DCC: variants seen among roughly 807,000 people sequenced by gnomAD.
DCC encodes the protein DCC netrin 1 receptor.
In DCC, 58 loss-of-function variants were observed where a neutral mutation model predicts 172.5. The ratio of observed to expected loss-of-function variants is 0.34; its 90% CI spans 0.27 to 0.42. The LOEUF is 0.42. Ranked by LOEUF, DCC falls within the 10% of genes least tolerant of loss-of-function variation. The pLI is 1.00. For synonymous variants in DCC, 709 were observed against 644.5 expected, an observed-to-expected ratio of 1.10 and a Z score of -1.52; for missense variants, 1,740 against 1,791.0, an observed-to-expected ratio of 0.97 and a Z score of 0.51.
At chr18:53,460,373 T>C (rs866728986) in intron 24 of DCC, among the ~76,000 whole-genome samples, 5 of 145,132 alleles carry the variant, frequency 3.4e-5, no homozygotes, top group African/African-American at 1.3e-4. Flanking sequence ...GCTGGTGCGC[T>C]GCACCCACTA....
intron 1 of DCC, among the ~76,000 whole-genome samples, chr18:52,535,114 C>G (rs991525923): frequency 1.3e-5 from 2 of 152,164 alleles, no homozygotes; most frequent in Non-Finnish European, 2.9e-5. Context: ...CGAGTTATAG[C>G]CAGCTCCATC....
At chr18:53,118,117 A>G (rs977684413) in intron 7 of DCC, among the ~76,000 whole-genome samples, 2 of 151,812 alleles carry the variant, frequency 1.3e-5, no homozygotes, top group African/African-American at 4.8e-5. Context: ...TGCATTTATC[A>G]GAAATGTAGT....
chr18:53,093,888 C>T (rs1239618593), intron 7 of DCC, among the ~76,000 whole-genome samples: 4 of 152,128 alleles, frequency 2.6e-5, no homozygotes, highest in African/African-American at 9.7e-5. Context: ...ATCATCCCCT[C>T]GCCAGATGAA....
intron 1 of DCC, among the ~76,000 whole-genome samples, chr18:52,375,873 T>C (rs1985324044): frequency 6.6e-6 from 1 of 152,202 alleles, no homozygotes; most frequent in Non-Finnish European, 1.5e-5. Flanking sequence ...GAAAAAGTTT[T>C]ATGCTATCAG....
intron 1 of DCC, among the ~76,000 whole-genome samples, chr18:52,651,794 T>A (rs1385717319): frequency 1.3e-5 from 2 of 152,128 alleles, no homozygotes; most frequent in Non-Finnish European, 2.9e-5. Flanking sequence ...TTAGCCTCAG[T>A]AATGGACTTT....
At chr18:53,277,180 A>G (rs997353577) in intron 12 of DCC, among the ~76,000 whole-genome samples, 2 of 152,104 alleles carry the variant, frequency 1.3e-5, no homozygotes, top group African/African-American at 4.8e-5. Context: ...CCAAATTACT[A>G]CAAACAGGGC....
chr18:53,362,547 A>G (rs2057959379), intron 15 of DCC, among the ~76,000 whole-genome samples: 1 of 152,154 alleles, frequency 6.6e-6, no homozygotes, highest in Non-Finnish European at 1.5e-5. Context: ...AAGTGTAGGA[A>G]GAGAAAACAG....
intron 1 of DCC, among the ~76,000 whole-genome samples, chr18:52,527,231 CT>C (rs1451266967): frequency 6.6e-6 from 1 of 152,140 alleles, no homozygotes; most frequent in South Asian, 2.1e-4. Flanking sequence ...ATTTGTTCTT[CT>C]TTTTTTCAAT....
chr18:52,538,728 C>T (rs2032354147), intron 1 of DCC, among the ~76,000 whole-genome samples: 1 of 152,138 alleles, frequency 6.6e-6, no homozygotes, highest in African/African-American at 2.4e-5. Flanking sequence ...TCCTGCTTTT[C>T]TTAATATAAT....
At chr18:52,773,846 T>A (rs1444716170) in intron 2 of DCC, among the ~76,000 whole-genome samples, 1 of 147,996 alleles carries the variant, frequency 6.8e-6, no homozygotes, top group Non-Finnish European at 1.5e-5. Flanking sequence ...ATATATATTT[T>A]TTAAAGGTGG....
At chr18:53,198,969 C>T (rs2055492994) in intron 9 of DCC, among the ~76,000 whole-genome samples, 1 of 152,098 alleles carries the variant, frequency 6.6e-6, no homozygotes, top group Admixed American at 6.5e-5. Context: ...CAGTTAAGCC[C>T]ATTAAGTTCC....
chr18:53,429,066 T>C (rs1179657103), intron 21 of DCC, among the ~76,000 whole-genome samples: 9 of 36,202 alleles, frequency 2.5e-4, no homozygotes, highest in Non-Finnish European at 6.0e-4. Flanking sequence ...ATATATTTTA[T>C]ATATAATATA....
intron 12 of DCC, among the ~76,000 whole-genome samples, chr18:53,261,344 C>G (rs1026250036): frequency 1.3e-5 from 2 of 152,212 alleles, no homozygotes; most frequent in Admixed American, 1.3e-4. Context: ...CATCTTGGCT[C>G]CACACCCTCG....
rs1911031191 is a variant in DCC, at chr18:53,427,254, A to G, written c.3164-7890A>G. The stretch of plus-strand genomic sequence containing the variant: ...TAGATTTTAATAAAGACTAAGCTGC[A>G]TATAAAAGTGGTTTCTTAGACCCCT... On this transcript the variant is annotated intron_variant, in intron 21 of 28. Transcript: ENST00000442544. Among the ~76,000 whole-genome samples, 5 of 152,140 alleles carry G rather than the reference A, an allele frequency of 3.3e-5. No individual in the cohort carries two copies. The South Asian group carries it at 1.0e-3, about 31-fold the overall frequency.
chr18:52,870,907 T>C (rs2039309484), intron 2 of DCC, among the ~76,000 whole-genome samples: 1 of 152,126 alleles, frequency 6.6e-6, no homozygotes, highest in Non-Finnish European at 1.5e-5. Flanking sequence ...GCTCGCTCTT[T>C]ACTGCAATGC....
chr18:52,811,008 T>C (rs544815144), intron 2 of DCC, among the ~76,000 whole-genome samples: 4 of 152,250 alleles, frequency 2.6e-5, no homozygotes, highest in South Asian at 2.1e-4. Context: ...AGCAGTGGCA[T>C]GAACAGAGCT....
chr18:53,450,507 A>G lies in DCC; in HGVS notation c.3237A>G (p.Pro1079=). Residue 1079 remains proline (P), a synonymous_variant, in exon 23 of 29, where the codon CCA becomes CCG. Coordinates refer to ENST00000442544, the MANE Select transcript of DCC (RefSeq NM_005215.4). ...LIDRSTLNEP[P]IGQMHPPHGS... ...TTTCCTGTCTTTTCCCAGAGCCGCC[A>G]ATTGGACAAATGCACCCCCCGCATG... 6.2e-7 allele frequency: 1 copy of G among 1,613,936 alleles called. No homozygotes were observed. Among genetic ancestry groups the G allele is most frequent in the Non-Finnish European group, 8.5e-7 (1 of 1,179,950 alleles).
intron 15 of DCC, among the ~76,000 whole-genome samples, chr18:53,358,530 CTTTTTT>C (rs35093625): frequency 5.2e-5 from 5 of 95,924 alleles, no homozygotes; most frequent in Admixed American, 1.3e-4. Context: ...TTCTCTCTCT[CTTTTTT>C]TTTTTTTTTT....
At position 52,608,026 on chromosome 18, in the gene DCC, AT is replaced by A. The variant is rs796148172; in HGVS notation, c.92-144019del. Among the ~76,000 whole-genome samples, 54 of 151,686 alleles carry A rather than the reference AT, an allele frequency of 3.6e-4. No individual in the cohort carries two copies. In the East Asian group the frequency reaches 4.5e-3, roughly 13 times the overall value. On this transcript the variant is annotated intron_variant, in intron 1 of 28. Coordinates refer to ENST00000442544, the MANE Select transcript of DCC (RefSeq NM_005215.4). ...GAACCTCCGGGCCCTATTTTCAAGG[AT>A]TTTTTTTTCCTATATTTTGAGAGCA... is the stretch of plus-strand genomic sequence containing the variant.
Sources: gnomAD v4.1 joint callset for allele counts (sites outside exome capture counted in the v4.1 genomes callset) on GRCh38, gnomAD v4.1.1 for gene constraint, MANE v1.5 for transcripts, NCBI Gene and HGNC (gene_info 2026-07-23, HGNC 2026-07-21) for gene names.